The following MBD5 variants were observed in gnomAD, a reference collection of about 807,000 sequenced individuals.
MBD5 encodes methyl-CpG-binding domain protein 5.
A neutral mutation model predicts 117.3 loss-of-function variants in MBD5; 13 were observed. The ratio of observed to expected loss-of-function variants is 0.11; its 90% CI spans 0.07 to 0.18. MBD5 has a LOEUF of 0.18. MBD5 is among the 10% of genes least tolerant of loss of function. The pLI is 1.00. For synonymous variants in MBD5, 727 were observed against 766.4 expected, an observed-to-expected ratio of 0.95 and a Z score of 0.85; for missense variants, 1,879 against 2,093.8, an observed-to-expected ratio of 0.90 and a Z score of 2.00.
At chr2:148,134,166 T>G (rs1697117459) in intron 1 of MBD5, among the ~76,000 whole-genome samples, 1 of 152,114 alleles carries the variant, frequency 6.6e-6, no homozygotes, top group Admixed American at 6.5e-5. Context: ...TGCCCAGCTC[T>G]TATTTTATTT....
chr2:148,336,719 G>A, intron 3 of MBD5, among the ~76,000 whole-genome samples: 1 of 152,106 alleles, frequency 6.6e-6, no homozygotes, highest in East Asian at 1.9e-4. Context: ...TCAAGTTCCT[G>A]AGGGAGACTG....
intron 1 of MBD5, among the ~76,000 whole-genome samples, chr2:148,043,062 C>T (rs1694408788): frequency 6.6e-6 from 1 of 151,986 alleles, no homozygotes; most frequent in East Asian, 1.9e-4. Flanking sequence ...TCCTAGACCA[C>T]CTGTATCGGA....
chr2:148,063,296 A>C (rs1695090603), intron 1 of MBD5, among the ~76,000 whole-genome samples: 1 of 152,096 alleles, frequency 6.6e-6, no homozygotes, highest in African/African-American at 2.4e-5. Context: ...TTTTAGTATA[A>C]TTTGCTTTTG....
chr2:148,205,893 C>G (rs894143797), intron 2 of MBD5, among the ~76,000 whole-genome samples: 2 of 151,982 alleles, frequency 1.3e-5, no homozygotes, highest in Non-Finnish European at 2.9e-5. Context: ...GTGATCCCAG[C>G]GACTTGGGAG....
chr2:148,396,945 T>G (rs12469720), intron 4 of MBD5, among the ~76,000 whole-genome samples: 113,745 of 151,874 alleles, frequency 0.75, 43,185 homozygotes, highest in African/African-American at 0.88. Context: ...GTACTGTCTT[T>G]TTTTCTACCA....
intron 2 of MBD5, among the ~76,000 whole-genome samples, chr2:148,224,459 C>T (rs139332574): frequency 6.6e-6 from 1 of 151,468 alleles, no homozygotes; most frequent in South Asian, 2.1e-4. Flanking sequence ...TCTCCTGCCT[C>T]AGCCTCTTGA....
chr2:148,326,353 C>G (rs544811128), intron 3 of MBD5, among the ~76,000 whole-genome samples: 1 of 151,998 alleles, frequency 6.6e-6, no homozygotes, highest in Admixed American at 6.6e-5. Context: ...CTATTAGGTC[C>G]GCTTGGTGCA....
intron 3 of MBD5, among the ~76,000 whole-genome samples, chr2:148,290,157 CA>C (rs1701468892): frequency 6.9e-6 from 1 of 144,628 alleles, no homozygotes. Flanking sequence ...AGTGTTTCAC[CA>C]CGTTGGCCAG....
intron 2 of MBD5, among the ~76,000 whole-genome samples, chr2:148,186,200 G>A (rs1327096517): frequency 2.0e-5 from 3 of 152,164 alleles, no homozygotes; most frequent in Admixed American, 1.3e-4. Context: ...TCATGGGGGC[G>A]GGTCTTTCAT....
chr2:148,339,682 C>T (rs1197195390), intron 3 of MBD5, among the ~76,000 whole-genome samples: 2 of 152,054 alleles, frequency 1.3e-5, no homozygotes, highest in African/African-American at 2.4e-5. Flanking sequence ...TACCTGCCAA[C>T]ACCTAAAAGT....
rs796147855 is a variant in MBD5 at position 148,274,515 on chromosome 2, A to T, written c.-680+41120A>T. Among the ~76,000 whole-genome samples the T allele has an allele frequency of 5.9e-5, 9 of 152,114 alleles. No homozygotes were observed. The East Asian group carries it at 1.7e-3, about 29-fold the overall frequency. ...TATTTGAACTTAGGCATAACCCGAT[A>T]TTTTACTGATTTTGTTGCTAATACT... On this transcript the variant is annotated intron_variant, in intron 3 of 13. Transcript: ENST00000642680.
intron 4 of MBD5, among the ~76,000 whole-genome samples, chr2:148,440,664 T>C (rs931169610): frequency 1.3e-5 from 2 of 152,238 alleles, no homozygotes; most frequent in Admixed American, 6.5e-5. Flanking sequence ...ACTATGTACC[T>C]GACAATTTGT....
At chr2:148,268,975 A>G (rs1700920554) in intron 3 of MBD5, among the ~76,000 whole-genome samples, 1 of 152,024 alleles carries the variant, frequency 6.6e-6, no homozygotes, top group Non-Finnish European at 1.5e-5. Flanking sequence ...TAAATATTAA[A>G]TGAATGAATG....
intron 1 of MBD5, among the ~76,000 whole-genome samples, chr2:148,177,897 C>T (rs1246479296): frequency 6.6e-6 from 1 of 152,174 alleles, no homozygotes; most frequent in African/African-American, 2.4e-5. Context: ...ATCTACAGTA[C>T]TCAAAACCAC....
intron 1 of MBD5, among the ~76,000 whole-genome samples, chr2:148,085,556 C>T (rs1695757455): frequency 1.3e-5 from 2 of 151,758 alleles, no homozygotes; most frequent in African/African-American, 4.8e-5. Flanking sequence ...AACCCCGTCT[C>T]TACTAAAAAT....
intron 11 of MBD5, among the ~76,000 whole-genome samples, chr2:148,500,869 C>T (rs970252697): frequency 7.2e-5 from 11 of 152,192 alleles, no homozygotes; most frequent in African/African-American, 2.7e-4. Context: ...AAGATGGAGG[C>T]TCATTTCTAA....
intron 4 of MBD5, among the ~76,000 whole-genome samples, chr2:148,424,150 C>T (rs1453776852): frequency 1.7e-5 from 2 of 115,094 alleles, no homozygotes; most frequent in African/African-American, 6.5e-5. Flanking sequence ...TGCACTCCAG[C>T]CTGGGCAACA....
Position 148,096,232 on chromosome 2 carries a change from C to G in MBD5, c.-925+74548C>G, listed in dbSNP as rs576285744. On this transcript the variant is annotated intron_variant, in intron 1 of 13. Transcript: ENST00000642680. ...AGTCTTATTCCTTACTGCAAAGCAG[C>G]AGTTCTCAACTGGGAGTGATTTTGT... is the stretch of plus-strand genomic sequence containing the variant. Among the ~76,000 whole-genome samples the G allele has an allele frequency of 4.6e-5, 7 of 152,256 alleles. No homozygotes were observed. In the South Asian group the frequency reaches 1.5e-3, roughly 32 times the overall value.
intron 11 of MBD5, among the ~76,000 whole-genome samples, chr2:148,496,128 T>C (rs187376179): frequency 6.6e-6 from 1 of 152,376 alleles, no homozygotes; most frequent in Admixed American, 6.5e-5. Flanking sequence ...TTAACCGCTG[T>C]TGGAAATGAA....
Sources: allele counts gnomAD v4.1 joint callset (sites outside exome capture counted in the v4.1 genomes callset), GRCh38; gene constraint gnomAD v4.1.1; transcripts MANE v1.5; gene names NCBI Gene and HGNC (gene_info 2026-07-23, HGNC 2026-07-21).